USP45: variants seen among roughly 807,000 people sequenced by gnomAD.
USP45 encodes ubiquitin specific peptidase 45, also known as ubiquitin carboxyl-terminal hydrolase 45.
USP45 carries 89 observed loss-of-function variants against 95.8 expected under a neutral mutation model. That is an observed-to-expected ratio of 0.93 (90% CI 0.78 to 1.11). The LOEUF is 1.11. Ranked by LOEUF, USP45 falls within the 50% of genes least tolerant of loss-of-function variation. USP45 has a pLI of 0.00. For synonymous variants in USP45, 281 were observed against 316.2 expected (o/e 0.89, Z 1.18); for missense variants, 898 against 942.5 (o/e 0.95, Z 0.62).
chr6:99,491,954 AAAATACAT>A (rs1795270153), intron 5 of USP45, among the ~76,000 whole-genome samples: 1 of 152,230 alleles, frequency 6.6e-6, no homozygotes, highest in Non-Finnish European at 1.5e-5. Context: ...AAAACATTAA[AAAATACAT>A]ATATACACAG....
intron 9 of USP45, among the ~76,000 whole-genome samples, chr6:99,474,209 TG>T (rs898617097): frequency 1.3e-5 from 2 of 152,170 alleles, no homozygotes; most frequent in African/African-American, 4.8e-5. Flanking sequence ...GGATTTTTGT[TG>T]TTTTTTGAGG....
At chr6:99,498,723 C>A (rs1796798002) in intron 5 of USP45, among the ~76,000 whole-genome samples, 1 of 152,020 alleles carries the variant, frequency 6.6e-6, no homozygotes, top group African/African-American at 2.4e-5. Context: ...TTTTTACTTT[C>A]ATTCACTCTC....
In USP45 at chr6:99,488,716, A is replaced by C; in HGVS notation, c.583T>G (p.Leu195Val). Residue 195 changes from leucine (L) to valine (V), a missense_variant, in exon 6 of 18, where the codon TTA (leucine) becomes GTA (valine). By Grantham distance (32) the Leu-to-Val change is conservative (BLOSUM62 1). Transcript: ENST00000500704. ...RNLSVRGITN[L>V]GNTCFFNAVM... ...GCATTAAAAAAGCAAGTATTTCCTA[A>C]ATTTGTAATTCCTCTTACAGATAAA... 6.2e-7 allele frequency: 1 copy of C among 1,603,662 alleles called. No individual in the cohort carries two copies. The highest frequency in any genetic ancestry group is 8.5e-7 in the Non-Finnish European group (1 of 1,175,974).
At chr6:99,507,322 T>G (rs1013017681) in intron 4 of USP45, 106 bp downstream of exon 4, 10 of 569,326 alleles carry the variant, frequency 1.8e-5, no homozygotes, top group Non-Finnish European at 3.1e-5. Flanking sequence ...TAAAAAACCA[T>G]AAGCTGATAG....
chr6:99,460,459 T>C (rs1344319501), intron 13 of USP45, among the ~76,000 whole-genome samples: 13 of 152,288 alleles, frequency 8.5e-5, no homozygotes, highest in South Asian at 8.3e-4. Flanking sequence ...CTGTTTTACT[T>C]GGACTTTAAA....
intron 9 of USP45, among the ~76,000 whole-genome samples, chr6:99,475,591 C>T (rs1026609828): frequency 6.6e-6 from 1 of 152,088 alleles, no homozygotes; most frequent in Non-Finnish European, 1.5e-5. Flanking sequence ...GTTGGGATTA[C>T]AGGCATGAGC....
intron 10 of USP45, 139 bp downstream of exon 10, chr6:99,468,398 G>A: frequency 1.6e-6 from 1 of 618,562 alleles, no homozygotes; most frequent in South Asian, 2.0e-5. Context: ...GTATTTTTCA[G>A]ACACTGCAGC....
rs1235489923 is a variant in USP45 at position 99,433,177 on chromosome 6, C to CTT, written c.*2538_*2539insAA. On this transcript the variant is annotated 3_prime_UTR_variant, in exon 18 of 18. Coordinates refer to ENST00000500704, the MANE Select transcript of USP45 (RefSeq NM_001346022.3). ...TACCAACTATCACTCTTCTCAGCTACCTAAAAAGGTGGTCTTCACAAGTTT... is the reference window on the plus strand; with the variant it reads ...TACCAACTATCACTCTTCTCAGCTACTTCTAAAAAGGTGGTCTTCACAAGTTT... 2 of 151,506 alleles carry CTT rather than the reference C, an allele frequency of 1.3e-5. No homozygotes were observed. Among genetic ancestry groups the CTT allele is most frequent in the African/African-American group, 4.9e-5 (2 of 40,480 alleles). 9.4% of individuals were successfully genotyped at this position (151,506 alleles called of 1,614,324 possible). A position where few individuals can be genotyped will look rare whatever the true frequency, so the allele number is the denominator to read the frequency against.
chr6:99,489,670 G>T (rs1225755546), intron 5 of USP45, among the ~76,000 whole-genome samples: 1 of 152,148 alleles, frequency 6.6e-6, no homozygotes, highest in African/African-American at 2.4e-5. Context: ...TATTAGGCTG[G>T]CCACGGTGCC....
rs907917104 is a variant in USP45, at chr6:99,462,369, C to T, written c.1308+2235G>A. On this transcript the variant is annotated intron_variant, in intron 13 of 17. Coordinates refer to ENST00000500704, the MANE Select transcript of USP45 (RefSeq NM_001346022.3). ...GTATTTCTCTCATACATTTGGATAG[C>T]GGATGTATTAAAACTACTTTGGCCA... 1.4e-5 allele frequency: 14 copies of T among 984,484 alleles called. No individual in the cohort carries two copies. In the Admixed American group the frequency reaches 2.5e-4, roughly 17 times the overall value. The allele number at this position is 984,484 out of a possible 1,614,324, so 61.0% of individuals were successfully genotyped here.
intron 7 of USP45, among the ~76,000 whole-genome samples, chr6:99,485,191 A>AG (rs1463811714): frequency 3.3e-5 from 5 of 150,984 alleles, no homozygotes; most frequent in African/African-American, 1.2e-4. Context: ...AAAAAAAAAA[A>AG]AAAATTAGCT....
chr6:99,513,921 G>A lies in USP45; in HGVS notation c.-11+1471C>T, dbSNP rs897782795. ...GGAGACTGGGAAGGATGGGAGTGGGGTGAGGAATGAGAAATTGCTTAATGG... is the reference window on the plus strand; with the variant it reads ...GGAGACTGGGAAGGATGGGAGTGGGATGAGGAATGAGAAATTGCTTAATGG... On this transcript the variant is annotated intron_variant, in intron 1 of 17. Transcript: ENST00000500704. Among the ~76,000 whole-genome samples the A allele has an allele frequency of 3.3e-5, 5 of 152,194 alleles. No individual in the cohort carries two copies. The East Asian group carries it at 9.6e-4, about 29-fold the overall frequency.
intron 4 of USP45, among the ~76,000 whole-genome samples, chr6:99,506,276 A>G (rs1798503165): frequency 6.6e-6 from 1 of 152,232 alleles, no homozygotes; most frequent in Non-Finnish European, 1.5e-5. Flanking sequence ...GTGTCCATTT[A>G]TACTACCAAA....
At chr6:99,451,164 G>A (rs1190665907) in intron 13 of USP45, among the ~76,000 whole-genome samples, 1 of 152,176 alleles carries the variant, frequency 6.6e-6, no homozygotes, top group East Asian at 1.9e-4. Context: ...TATTTAACAA[G>A]TGTTGGAAGT....
chr6:99,445,429 G>T (rs1782332475), intron 14 of USP45, among the ~76,000 whole-genome samples: 1 of 151,198 alleles, frequency 6.6e-6, no homozygotes, highest in Non-Finnish European at 1.5e-5. Flanking sequence ...GTTGCAGTGA[G>T]CCGAGATCGC....
upstream of USP45, chr6:99,515,524 G>C (rs971409198): frequency 1.3e-5 from 2 of 152,226 alleles, no homozygotes; most frequent in Non-Finnish European, 2.9e-5. Context: ...GGCGCGCCCG[G>C]GGCCCGGGAG....
intron 6 of USP45, 37 bp from the exon 7 acceptor site, chr6:99,488,332 T>A: frequency 7.4e-7 from 1 of 1,347,952 alleles, no homozygotes; most frequent in Non-Finnish European, 1.0e-6. Context: ...CAGATTCAGT[T>A]AAAATATGCC....
At chr6:99,506,241 AAC>A (rs1798495011) in intron 4 of USP45, among the ~76,000 whole-genome samples, 1 of 152,252 alleles carries the variant, frequency 6.6e-6, no homozygotes, top group South Asian at 2.1e-4. Context: ...ATTATTGTAA[AAC>A]ACAGAGGAAG....
intron 2 of USP45, among the ~76,000 whole-genome samples, chr6:99,509,901 C>G (rs1799397027): frequency 6.6e-6 from 1 of 152,158 alleles, no homozygotes. Context: ...TGTGCATACT[C>G]AAGTCCCGCA....
Sources: gnomAD v4.1 joint callset for allele counts (sites outside exome capture counted in the v4.1 genomes callset) on GRCh38, gnomAD v4.1.1 for gene constraint, MANE v1.5 for transcripts, NCBI Gene and HGNC (gene_info 2026-07-23, HGNC 2026-07-21) for gene names.